CYSTM1: variants seen among roughly 807,000 people sequenced by gnomAD.
CYSTM1 encodes cysteine rich transmembrane module containing 1.
In CYSTM1, 4 loss-of-function variants were observed where a neutral mutation model predicts 13.1. That is an observed-to-expected ratio of 0.31 (90% CI 0.15 to 0.70). The LOEUF is 0.70. Ranked by LOEUF, CYSTM1 falls within the 30% of genes least tolerant of loss-of-function variation. The probability of loss-of-function intolerance (pLI) is 0.72; values close to 1 mark genes in which losing one functional copy is unlikely to be tolerated. For missense variants in CYSTM1, 96 were observed against 121.6 expected (o/e 0.79, Z 0.99); for synonymous variants, 36 against 42.7 (o/e 0.84, Z 0.62).
At chr5:140,204,825 G>A (rs1308368707) in intron 2 of CYSTM1, among the ~76,000 whole-genome samples, 1 of 152,142 alleles carries the variant, frequency 6.6e-6, no homozygotes, top group African/African-American at 2.4e-5. Flanking sequence ...CGTGTTAGAT[G>A]AATGCAAGTA....
intron 1 of CYSTM1, among the ~76,000 whole-genome samples, chr5:140,184,532 A>G (rs1763994335): frequency 6.6e-6 from 1 of 152,142 alleles, no homozygotes; most frequent in African/African-American, 2.4e-5. Context: ...TGAAGAGTTT[A>G]TAAGAAAAAA....
At chr5:140,204,626 G>A (rs544788455) in intron 2 of CYSTM1, among the ~76,000 whole-genome samples, 1 of 152,178 alleles carries the variant, frequency 6.6e-6, no homozygotes, top group East Asian at 1.9e-4. Context: ...AATAAAGCTG[G>A]ATTCAAATCT....
intron 1 of CYSTM1, among the ~76,000 whole-genome samples, chr5:140,191,793 TAAA>T (rs1296816613): frequency 1.3e-5 from 2 of 152,190 alleles, no homozygotes; most frequent in African/African-American, 4.8e-5. Context: ...TTCTGTGATT[TAAA>T]AATAAATAAT....
chr5:140,242,230 A>C (rs1304736056), intron 2 of CYSTM1, among the ~76,000 whole-genome samples: 5 of 152,302 alleles, frequency 3.3e-5, no homozygotes, highest in South Asian at 4.1e-4. Context: ...AAGGAAAAGG[A>C]ACATGTCCGT....
intron 2 of CYSTM1, among the ~76,000 whole-genome samples, chr5:140,222,200 AGCTTTG>A (rs1764499759): frequency 6.6e-6 from 1 of 152,232 alleles, no homozygotes; most frequent in Non-Finnish European, 1.5e-5. Context: ...CCCTCATGGC[AGCTTTG>A]TGCAAGCATG....
intron 2 of CYSTM1, among the ~76,000 whole-genome samples, chr5:140,195,334 G>C (rs1411178762): frequency 6.6e-6 from 1 of 151,324 alleles, no homozygotes; most frequent in African/African-American, 2.4e-5. Context: ...CAGTCTGAAA[G>C]ATTAAAAGTA....
intron 1 of CYSTM1, among the ~76,000 whole-genome samples, chr5:140,185,575 C>G (rs1360353584): frequency 6.6e-6 from 1 of 152,212 alleles, no homozygotes; most frequent in African/African-American, 2.4e-5. Context: ...TGGCAATACC[C>G]AGCAATGTGT....
At chr5:140,233,836 C>G (rs2126671544) in intron 2 of CYSTM1, among the ~76,000 whole-genome samples, 1 of 152,166 alleles carries the variant, frequency 6.6e-6, no homozygotes, top group African/African-American at 2.4e-5. Context: ...TTACTGTGGA[C>G]TTTTGAGAGT....
At chr5:140,221,926 T>C (rs1764497022) in intron 2 of CYSTM1, among the ~76,000 whole-genome samples, 1 of 152,266 alleles carries the variant, frequency 6.6e-6, no homozygotes, top group Admixed American at 6.5e-5. Flanking sequence ...ATCCCCGATA[T>C]ATCCCCTTTC....
rs555414348 is a variant in CYSTM1 at position 140,239,337 on chromosome 5, A to C, written c.188-3968A>C. Among the ~76,000 whole-genome samples, 1 of 152,166 alleles carries C rather than the reference A, an allele frequency of 6.6e-6. No individual in the cohort carries two copies. Among genetic ancestry groups the C allele is most frequent in the South Asian group, 2.1e-4 (1 of 4,814 alleles). Reference sequence around the variant, plus strand: ...AGCCCCACTTGCCCATTGCCTACCCAGAACCAGGTTTCTGAGTAGCCCATG... The same window carrying C: ...AGCCCCACTTGCCCATTGCCTACCCCGAACCAGGTTTCTGAGTAGCCCATG... On this transcript the variant is annotated intron_variant, in intron 2 of 2. Transcript: ENST00000261811. The surrounding 1 kb of genome is among the most constrained non-coding windows in gnomAD (Gnocchi z 5.4).
At chr5:140,241,929 G>T in intron 2 of CYSTM1, among the ~76,000 whole-genome samples, 1 of 152,234 alleles carries the variant, frequency 6.6e-6, no homozygotes, top group East Asian at 1.9e-4. Flanking sequence ...ATAAAGGCCT[G>T]GGTTCGGATT....
chr5:140,221,921 C>T lies in CYSTM1; in HGVS notation c.188-21384C>T, dbSNP rs142297127. Among the ~76,000 whole-genome samples, 257 of 152,308 alleles carry T rather than the reference C, an allele frequency of 1.7e-3. 2 individuals carry two copies. The highest frequency in any genetic ancestry group is 5.8e-3 in the African/African-American group (241 of 41,576). On this transcript the variant is annotated intron_variant, in intron 2 of 2. Coordinates refer to ENST00000261811, the MANE Select transcript of CYSTM1 (RefSeq NM_032412.4). ...TTATAATTCCAGTTTGATATATCCC[C>T]GATATATCCCCTTTCATTGACCACA...
chr5:140,232,461 CAGAGAGAGAAAG>C (rs1764628123), intron 2 of CYSTM1, among the ~76,000 whole-genome samples: 6 of 152,128 alleles, frequency 3.9e-5, no homozygotes, highest in African/African-American at 1.4e-4. Flanking sequence ...GCAAAGGAGT[CAGAGAGAGAAAG>C]CTAGGAGAAT....
At chr5:140,242,571 A>C (rs1231132349) in intron 2 of CYSTM1, among the ~76,000 whole-genome samples, 3 of 152,214 alleles carry the variant, frequency 2.0e-5, no homozygotes, top group Non-Finnish European at 2.9e-5. Context: ...CTAATGCCGC[A>C]AATCAGCTAA....
intron 2 of CYSTM1, among the ~76,000 whole-genome samples, chr5:140,240,738 C>A (rs796332159): frequency 6.6e-6 from 1 of 152,080 alleles, no homozygotes; most frequent in African/African-American, 2.4e-5. Flanking sequence ...AATTTCTGGG[C>A]CCCACCGCAG....
chr5:140,211,783 C>A (rs1265549104), intron 2 of CYSTM1, among the ~76,000 whole-genome samples: 3 of 152,054 alleles, frequency 2.0e-5, no homozygotes, highest in African/African-American at 7.2e-5. Flanking sequence ...CCTGTTTCTA[C>A]CAAAAATACA....
chr5:140,202,273 T>C (rs1380586032), intron 2 of CYSTM1: 4 of 152,096 alleles, frequency 2.6e-5, no homozygotes, highest in Non-Finnish European at 1.5e-5. Flanking sequence ...ATAAATCTTA[T>C]TGAAATAAGA....
In CYSTM1 at chr5:140,200,302, G is replaced by T. The variant is rs903687166; in HGVS notation, c.187+5650G>T. On this transcript the variant is annotated intron_variant, in intron 2 of 2. Transcript: ENST00000261811. ...CATATTGAGTTAATTTTTGTATAAGGTATAAGGAAGGGGTCCAGTTTCAGT... is the reference window on the plus strand; with the variant it reads ...CATATTGAGTTAATTTTTGTATAAGTTATAAGGAAGGGGTCCAGTTTCAGT... The T allele has an allele frequency of 2.6e-5, 4 of 152,234 alleles. No individual in the cohort carries two copies. The South Asian group carries it at 6.2e-4, about 24-fold the overall frequency. The allele number at this position is 152,234 out of a possible 1,614,324, so 9.4% of individuals were successfully genotyped here.
chr5:140,180,229 C>T (rs775850658), intron 1 of CYSTM1, among the ~76,000 whole-genome samples: 26 of 152,062 alleles, frequency 1.7e-4, no homozygotes, highest in Non-Finnish European at 3.2e-4. Context: ...TGTGTCAGGC[C>T]ACCAGTCCTG....
Sources: gnomAD v4.1 joint callset for allele counts (sites outside exome capture counted in the v4.1 genomes callset) on GRCh38, gnomAD v4.1.1 for gene constraint, Gnocchi (gnomAD v3.1) non-coding constraint, MANE v1.5 for transcripts, NCBI Gene and HGNC (gene_info 2026-07-23, HGNC 2026-07-21) for gene names.